Variants in UNC5C observed in about 807,000 individuals in gnomAD.
UNC5C encodes netrin receptor UNC5C.
Under a neutral mutation model 99.8 loss-of-function variants are expected in UNC5C, and 47 were observed. That is an observed-to-expected ratio of 0.47 (90% CI 0.37 to 0.60). The LOEUF is 0.60. Among genes scored for constraint, UNC5C ranks in the 20% least tolerant of loss-of-function variants. The pLI, the probability that UNC5C is intolerant of heterozygous loss-of-function variation, is 0.00. For missense variants in UNC5C, 1,062 were observed against 1,165.9 expected (o/e 0.91, Z 1.30); for synonymous variants, 487 against 452.2 (o/e 1.08, Z -0.98).
At chr4:95,318,796 CCTT>C (rs769735200) in intron 2 of UNC5C, among the ~76,000 whole-genome samples, 2 of 152,202 alleles carry the variant, frequency 1.3e-5, no homozygotes, top group Non-Finnish European at 2.9e-5. Context: ...AGGCTGCTAT[CCTT>C]CTGCTTTAGC....
At chr4:95,538,571 G>A (rs929684977) in intron 1 of UNC5C, among the ~76,000 whole-genome samples, 2 of 152,094 alleles carry the variant, frequency 1.3e-5, no homozygotes, top group Non-Finnish European at 2.9e-5. Context: ...GTTCTTAGCA[G>A]TGCACTACAT....
intron 1 of UNC5C, among the ~76,000 whole-genome samples, chr4:95,404,397 T>C (rs1229039840): frequency 2.0e-5 from 3 of 152,120 alleles, no homozygotes; most frequent in African/African-American, 7.2e-5. Flanking sequence ...AAAAGCATTA[T>C]AAGGTCAGGA....
intron 1 of UNC5C, among the ~76,000 whole-genome samples, chr4:95,415,359 A>AAC: frequency 6.6e-6 from 1 of 152,230 alleles, no homozygotes; most frequent in South Asian, 2.1e-4. Context: ...TTGTTAAAAA[A>AAC]AAAACAAAAC....
At chr4:95,283,687 A>G (rs1043328084) in intron 3 of UNC5C, among the ~76,000 whole-genome samples, 3 of 152,248 alleles carry the variant, frequency 2.0e-5, no homozygotes, top group Non-Finnish European at 4.4e-5. Context: ...GTAAAACAGA[A>G]TGGTTCAGAA....
chr4:95,251,543 A>C (rs1191119256), intron 4 of UNC5C, among the ~76,000 whole-genome samples: 3 of 152,196 alleles, frequency 2.0e-5, no homozygotes, highest in Non-Finnish European at 4.4e-5. Context: ...GTTCTTCTGG[A>C]GGTAAACTAC....
intron 7 of UNC5C, among the ~76,000 whole-genome samples, chr4:95,223,153 T>A (rs901462877): frequency 6.6e-6 from 1 of 152,182 alleles, no homozygotes; most frequent in Non-Finnish European, 1.5e-5. Context: ...GAAAAGTCAC[T>A]TAAAATATGT....
rs952733083 is a variant in UNC5C at position 95,418,215 on chromosome 4, C to G, written c.125-82584G>C. Among the ~76,000 whole-genome samples the G allele has an allele frequency of 1.5e-4, 23 of 152,186 alleles. 1 individual carries two copies. The highest frequency in any genetic ancestry group is 5.5e-4 in the African/African-American group (23 of 41,452). On this transcript the variant is annotated intron_variant, in intron 1 of 15. Coordinates refer to ENST00000453304, the MANE Select transcript of UNC5C (RefSeq NM_003728.4). ...GGACTTTAGACTCATATTTTCACAG[C>G]CTTAGTCTTGCTATAGTGAATAATT...
chr4:95,485,881 T>C (rs866131252), intron 1 of UNC5C, among the ~76,000 whole-genome samples: 8 of 151,764 alleles, frequency 5.3e-5, no homozygotes, highest in Middle Eastern at 6.8e-3. Context: ...TATCCACAGG[T>C]CCAACCACGC....
intron 1 of UNC5C, among the ~76,000 whole-genome samples, chr4:95,383,971 C>G (rs1334823369): frequency 6.6e-6 from 1 of 152,094 alleles, no homozygotes; most frequent in East Asian, 1.9e-4. Flanking sequence ...AAAATGGGAA[C>G]TAGATTGTCT....
At chr4:95,310,065 T>G (rs890196286) in intron 2 of UNC5C, among the ~76,000 whole-genome samples, 4 of 152,158 alleles carry the variant, frequency 2.6e-5, no homozygotes, top group African/African-American at 9.6e-5. Context: ...TGAGTGGTGG[T>G]AGAAAATGTG....
chr4:95,301,203 T>TTC (rs1741860617), intron 3 of UNC5C, among the ~76,000 whole-genome samples: 1 of 148,502 alleles, frequency 6.7e-6, no homozygotes, highest in African/African-American at 2.5e-5. Context: ...GGATTTTTTT[T>TTC]TTTTTTTTTT....
At chr4:95,317,321 A>AG (rs1365255322) in intron 2 of UNC5C, among the ~76,000 whole-genome samples, 1 of 152,226 alleles carries the variant, frequency 6.6e-6, no homozygotes, top group African/African-American at 2.4e-5. Flanking sequence ...TGAGGAAATC[A>AG]GGGGGAAAAA....
At chr4:95,503,473 A>G (rs547384287) in intron 1 of UNC5C, among the ~76,000 whole-genome samples, 23 of 152,134 alleles carry the variant, frequency 1.5e-4, no homozygotes, top group Admixed American at 2.6e-4. Context: ...TGTAACATTA[A>G]TAAGTTGGCT....
At chr4:95,537,773 C>A (rs1722819052) in intron 1 of UNC5C, among the ~76,000 whole-genome samples, 1 of 152,108 alleles carries the variant, frequency 6.6e-6, no homozygotes, top group South Asian at 2.1e-4. Context: ...AATATTAGGA[C>A]ACATTCCTGT....
chr4:95,230,193 G>T (rs1253904181), intron 7 of UNC5C, among the ~76,000 whole-genome samples: 2 of 152,116 alleles, frequency 1.3e-5, no homozygotes, highest in Admixed American at 1.3e-4. Flanking sequence ...TTTCTCTAAT[G>T]ACCAGTGATG....
At chr4:95,520,605 T>A (rs999069696) in intron 1 of UNC5C, among the ~76,000 whole-genome samples, 68 of 149,778 alleles carry the variant, frequency 4.5e-4, no homozygotes, top group African/African-American at 1.6e-3. Flanking sequence ...TATTTTTTTT[T>A]TTTTTTTTTT....
intron 1 of UNC5C, among the ~76,000 whole-genome samples, chr4:95,353,836 T>G (rs1744073716): frequency 6.6e-6 from 1 of 152,096 alleles, no homozygotes; most frequent in Non-Finnish European, 1.5e-5. Context: ...ATTTAAAAAC[T>G]CTAATTTAAG....
chr4:95,447,743 T>G (rs1747148694), intron 1 of UNC5C, among the ~76,000 whole-genome samples: 1 of 152,156 alleles, frequency 6.6e-6, no homozygotes, highest in Non-Finnish European at 1.5e-5. Flanking sequence ...TCAGGCGATC[T>G]GCCTGCCACG....
At chr4:95,450,970 T>C (rs1747264214) in intron 1 of UNC5C, among the ~76,000 whole-genome samples, 2 of 152,234 alleles carry the variant, frequency 1.3e-5, no homozygotes, top group Admixed American at 1.3e-4. Context: ...CCTATAATTT[T>C]GTTAGCACAT....
Sources: allele counts gnomAD v4.1 joint callset (sites outside exome capture counted in the v4.1 genomes callset), GRCh38; gene constraint gnomAD v4.1.1; transcripts MANE v1.5; gene names NCBI Gene and HGNC (gene_info 2026-07-23, HGNC 2026-07-21).